The following CNTNAP5 variants were observed in gnomAD, a reference collection of about 807,000 sequenced individuals.
CNTNAP5 encodes contactin-associated protein-like 5.
A neutral mutation model predicts 150.2 loss-of-function variants in CNTNAP5; 72 were observed. That is an observed-to-expected ratio of 0.48 (90% CI 0.40 to 0.58). CNTNAP5 has a LOEUF of 0.58. Ranked by LOEUF, CNTNAP5 falls within the 20% of genes least tolerant of loss-of-function variation. The probability of loss-of-function intolerance (pLI) is 0.00; values close to 1 mark genes in which losing one functional copy is unlikely to be tolerated. For synonymous variants in CNTNAP5, 672 were observed against 619.8 expected (o/e 1.08, Z -1.25); for missense variants, 1,636 against 1,626.2 (o/e 1.01, Z -0.10).
chr2:124,041,974 G>C (rs556238451), intron 1 of CNTNAP5, among the ~76,000 whole-genome samples: 51 of 152,104 alleles, frequency 3.4e-4, no homozygotes, highest in African/African-American at 1.2e-3. Flanking sequence ...TGATTCTTCT[G>C]CCTCAGCCTC....
intron 13 of CNTNAP5, among the ~76,000 whole-genome samples, chr2:124,662,801 A>G (rs1292027408): frequency 6.6e-6 from 1 of 152,258 alleles, no homozygotes; most frequent in Admixed American, 6.5e-5. Flanking sequence ...CAAATGTCAT[A>G]TGTATCCACA....
At chr2:124,361,829 A>G (rs1291804159) in intron 3 of CNTNAP5, among the ~76,000 whole-genome samples, 13 of 151,992 alleles carry the variant, frequency 8.6e-5, no homozygotes, top group East Asian at 7.8e-4. Flanking sequence ...AGCTGTGGTG[A>G]GCTCCACCCA....
In CNTNAP5 at chr2:124,474,734, A is replaced by T; in HGVS notation, c.919-5A>T. 6.4e-7 allele frequency: 1 copy of T among 1,555,252 alleles called. No individual in the cohort carries two copies. Among genetic ancestry groups the T allele is most frequent in the Non-Finnish European group, 8.6e-7 (1 of 1,156,470 alleles). ...AAGAGTTTGTTTCTATTTTCACCCC[A>T]AAAGCTTAGTTTTGGAGGAATTCCA... is the stretch of plus-strand genomic sequence containing the variant. On this transcript the variant is annotated splice_polypyrimidine_tract_variant and splice_region_variant and intron_variant, in intron 6 of 23. Transcript: ENST00000682447.
intron 1 of CNTNAP5, among the ~76,000 whole-genome samples, chr2:124,078,725 T>C (rs1329366985): frequency 6.6e-6 from 1 of 152,208 alleles, no homozygotes; most frequent in Non-Finnish European, 1.5e-5. Flanking sequence ...GCTATTCTGA[T>C]AGCAAACATT....
chr2:124,857,638 C>A (rs2104710768), intron 19 of CNTNAP5, among the ~76,000 whole-genome samples: 1 of 150,778 alleles, frequency 6.6e-6, no homozygotes, highest in South Asian at 2.1e-4. Flanking sequence ...CCAGCCTGAC[C>A]AACATGATGA....
Position 124,920,413 on chromosome 2 carries a change from A to G in CNTNAP5, c.*6125A>G, listed in dbSNP as rs1263787520. Among the ~76,000 whole-genome samples, 1 of 152,172 alleles carries G rather than the reference A, an allele frequency of 6.6e-6. No homozygotes were observed. The highest frequency in any genetic ancestry group is 1.5e-5 in the Non-Finnish European group (1 of 68,022). On this transcript the variant is annotated 3_prime_UTR_variant, in exon 24 of 24. Transcript: ENST00000682447. ...AGTCAGCCTCTATCACAAACATTTT[A>G]CATGAAATATTCACCTAGTCTATTC...
At chr2:124,522,491 C>T (rs1280436280) in intron 8 of CNTNAP5, among the ~76,000 whole-genome samples, 4 of 152,126 alleles carry the variant, frequency 2.6e-5, no homozygotes, top group Non-Finnish European at 4.4e-5. Flanking sequence ...CACCTCCCAC[C>T]CTGATATTAC....
intron 3 of CNTNAP5, among the ~76,000 whole-genome samples, chr2:124,274,459 G>C (rs1687836767): frequency 6.6e-6 from 1 of 151,926 alleles, no homozygotes; most frequent in Admixed American, 6.6e-5. Flanking sequence ...TGTGTGGATT[G>C]CACAGAAGAA....
intron 1 of CNTNAP5, among the ~76,000 whole-genome samples, chr2:124,119,712 A>C (rs1170689084): frequency 1.3e-5 from 2 of 152,204 alleles, no homozygotes; most frequent in African/African-American, 4.8e-5. Context: ...GTTAGAGACC[A>C]GCCTGGGCAA....
At chr2:124,137,769 A>T (rs1212381569) in intron 1 of CNTNAP5, among the ~76,000 whole-genome samples, 1 of 152,174 alleles carries the variant, frequency 6.6e-6, no homozygotes, top group African/African-American at 2.4e-5. Context: ...AGATACCAAG[A>T]TGTGAACATG....
At chr2:124,323,890 T>C (rs1248730924) in intron 3 of CNTNAP5, among the ~76,000 whole-genome samples, 2 of 152,138 alleles carry the variant, frequency 1.3e-5, no homozygotes, top group Admixed American at 6.6e-5. Context: ...GGATGTGTTT[T>C]TGTGTGTGAA....
intron 1 of CNTNAP5, among the ~76,000 whole-genome samples, chr2:124,178,904 TTTG>T (rs1685133777): frequency 7.1e-6 from 1 of 140,208 alleles, no homozygotes; most frequent in Non-Finnish European, 1.5e-5. Context: ...CTGATTTTTA[TTTG>T]TTATTTATTT....
At chr2:124,324,268 G>T (rs1291456108) in intron 3 of CNTNAP5, among the ~76,000 whole-genome samples, 1 of 152,160 alleles carries the variant, frequency 6.6e-6, no homozygotes, top group Non-Finnish European at 1.5e-5. Flanking sequence ...AACTTTCTAG[G>T]CAGCCTGGGA....
At chr2:124,887,568 T>C (rs1678106821) in intron 21 of CNTNAP5, among the ~76,000 whole-genome samples, 1 of 152,156 alleles carries the variant, frequency 6.6e-6, no homozygotes, top group African/African-American at 2.4e-5. Context: ...ATGTATTATA[T>C]GCTTTTACAC....
At chr2:124,361,712 A>T (rs973681419) in intron 3 of CNTNAP5, among the ~76,000 whole-genome samples, 2 of 150,300 alleles carry the variant, frequency 1.3e-5, no homozygotes. Flanking sequence ...CTCTCTTCAA[A>T]GCTGTCAGAC....
chr2:124,905,577 T>G (rs1678518529), intron 22 of CNTNAP5, among the ~76,000 whole-genome samples: 1 of 152,190 alleles, frequency 6.6e-6, no homozygotes, highest in African/African-American at 2.4e-5. Flanking sequence ...GATTTTGTCT[T>G]AATCAGGTAT....
chr2:124,871,829 G>A (rs1261463284), intron 21 of CNTNAP5, among the ~76,000 whole-genome samples: 3 of 151,594 alleles, frequency 2.0e-5, no homozygotes, highest in East Asian at 3.9e-4. Flanking sequence ...TTTCCTGTTC[G>A]CTATGTCATA....
intron 3 of CNTNAP5, among the ~76,000 whole-genome samples, chr2:124,397,135 C>T (rs1381950139): frequency 1.3e-5 from 2 of 152,194 alleles, no homozygotes; most frequent in Non-Finnish European, 2.9e-5. Flanking sequence ...TTCTTTGACA[C>T]TGAATTTGCA....
chr2:124,123,684 A>G (rs1373967995), intron 1 of CNTNAP5, among the ~76,000 whole-genome samples: 1 of 152,166 alleles, frequency 6.6e-6, no homozygotes, highest in Non-Finnish European at 1.5e-5. Flanking sequence ...TCATATGGCC[A>G]GGTGCCCCTC....
Sources: gnomAD v4.1 joint callset for allele counts (sites outside exome capture counted in the v4.1 genomes callset) on GRCh38, gnomAD v4.1.1 for gene constraint, MANE v1.5 for transcripts, NCBI Gene and HGNC (gene_info 2026-07-23, HGNC 2026-07-21) for gene names.